The following GON4L variants were observed in gnomAD, a reference collection of about 807,000 sequenced individuals.
GON4L encodes GON-4-like protein.
A neutral mutation model predicts 211.8 loss-of-function variants in GON4L; 87 were observed. The ratio of observed to expected loss-of-function variants is 0.41; its 90% CI spans 0.35 to 0.49. GON4L has a LOEUF of 0.49. Among genes scored for constraint, GON4L ranks in the 20% least tolerant of loss-of-function variants. GON4L has a pLI of 0.15. For missense variants in GON4L, 2,155 were observed against 2,659.5 expected (o/e 0.81, Z 4.17); for synonymous variants, 875 against 962.6 (o/e 0.91, Z 1.68).
downstream of GON4L, chr1:155,746,927 T>C (rs755715377): frequency 1.0e-5 from 16 of 1,600,576 alleles, 1 homozygote; most frequent in African/African-American, 3.1e-5. Context: ...AGGGTCTCCA[T>C]AGGGGCAGGT....
intron 18 of GON4L, among the ~76,000 whole-genome samples, chr1:155,771,803 C>T (rs2101804347): frequency 1.3e-5 from 2 of 152,176 alleles, no homozygotes; most frequent in Non-Finnish European, 2.9e-5. Flanking sequence ...AAATCTAATT[C>T]TTGTACAAGT....
intron 1 of GON4L, among the ~76,000 whole-genome samples, chr1:155,855,416 G>A (rs1333802614): frequency 6.6e-6 from 1 of 151,938 alleles, no homozygotes; most frequent in Non-Finnish European, 1.5e-5. Context: ...CACTGCAGTG[G>A]CACGAACATA....
chr1:155,835,194 G>A (rs1571901284), intron 2 of GON4L, among the ~76,000 whole-genome samples: 1 of 152,096 alleles, frequency 6.6e-6, no homozygotes, highest in Non-Finnish European at 1.5e-5. Context: ...TCTGAAACAT[G>A]TGCTGTGTCC....
intron 2 of GON4L, among the ~76,000 whole-genome samples, chr1:155,833,646 CAAAAAAAAAAAAAAAA>C (rs59340708): frequency 1.2e-4 from 2 of 16,404 alleles, no homozygotes; most frequent in Non-Finnish European, 9.3e-5. Flanking sequence ...ACTCTGTCTC[CAAAAAAAAAAAAAAAA>C]AAAAAAAAAA....
At chr1:155,760,690 C>A in intron 23 of GON4L, 49 bp from the exon 24 acceptor site, 1 of 1,280,958 alleles carries the variant, frequency 7.8e-7, no homozygotes, top group Non-Finnish European at 1.1e-6. Context: ...TGGGCCACAA[C>A]AAGCAATAAG....
chr1:155,834,431 TA>T (rs768978053), intron 2 of GON4L, among the ~76,000 whole-genome samples: 2 of 152,156 alleles, frequency 1.3e-5, no homozygotes, highest in Non-Finnish European at 2.9e-5. Context: ...GAACCATGAC[TA>T]ACACTGAACA....
intron 10 of GON4L, among the ~76,000 whole-genome samples, chr1:155,812,159 C>T (rs1166069380): frequency 1.3e-5 from 2 of 152,100 alleles, no homozygotes; most frequent in Non-Finnish European, 2.9e-5. Flanking sequence ...ACCAAGCACA[C>T]ACCACCTTAA....
chr1:155,767,299 T>A lies in GON4L; in HGVS notation c.2763+126A>T. 3.1e-6 allele frequency: 5 copies of A among 1,596,660 alleles called. No homozygotes were observed. In the South Asian group the frequency reaches 5.6e-5, roughly 18 times the overall value. Reference sequence around the variant, plus strand: ...AGAAAAGTAAGGGAAGAAAGGTGAATCAGGAAGATTTCTAAAGTCCTAGTT... The same window carrying A: ...AGAAAAGTAAGGGAAGAAAGGTGAAACAGGAAGATTTCTAAAGTCCTAGTT... On this transcript the variant is annotated intron_variant, in intron 20 of 31. Transcript: ENST00000368331.
intron 8 of GON4L, among the ~76,000 whole-genome samples, chr1:155,814,784 C>T (rs914711723): frequency 6.6e-6 from 1 of 151,636 alleles, no homozygotes; most frequent in Admixed American, 6.6e-5. Context: ...CATCACTCAA[C>T]TAGTTACAGT....
intron 2 of GON4L, among the ~76,000 whole-genome samples, chr1:155,839,758 G>T (rs1354319431): frequency 1.3e-5 from 2 of 151,908 alleles, no homozygotes; most frequent in African/African-American, 2.4e-5. Flanking sequence ...TTTATAAAAA[G>T]AATTGTTTAT....
chr1:155,779,357 G>A (rs1664177032), intron 14 of GON4L, among the ~76,000 whole-genome samples: 1 of 151,158 alleles, frequency 6.6e-6, no homozygotes, highest in Non-Finnish European at 1.5e-5. Flanking sequence ...TCGCTCTGAC[G>A]CCAAGCTGGA....
chr1:155,807,426 G>A (rs1302033352), intron 10 of GON4L, among the ~76,000 whole-genome samples: 1 of 151,832 alleles, frequency 6.6e-6, no homozygotes, highest in Non-Finnish European at 1.5e-5. Flanking sequence ...AAAAAAATGA[G>A]GCTGGGTGCA....
intron 15 of GON4L, 66 bp from the exon 16 acceptor site, chr1:155,776,547 AT>A (rs1391978917): frequency 2.6e-6 from 3 of 1,133,836 alleles, no homozygotes; most frequent in African/African-American, 4.0e-5. Flanking sequence ...ATCCAGAGAG[AT>A]CTTTTTTTTT....
At chr1:155,814,913 G>C (rs1279078757) in intron 8 of GON4L, among the ~76,000 whole-genome samples, 1 of 151,422 alleles carries the variant, frequency 6.6e-6, no homozygotes, top group African/African-American at 2.4e-5. Context: ...AGAAGTCCGA[G>C]ACCAGCCTGG....
At chr1:155,748,087 G>A (rs895236654), downstream of GON4L, 9 of 1,608,674 alleles carry the variant, frequency 5.6e-6, no homozygotes, top group South Asian at 2.2e-5. Context: ...CTGGGCCTGC[G>A]ACCTGAGCCA....
At chr1:155,821,573 T>C (rs771152353) in intron 4 of GON4L, 25 bp from the exon 5 acceptor site, 6 of 1,424,230 alleles carry the variant, frequency 4.2e-6, no homozygotes, top group African/African-American at 1.4e-5. Flanking sequence ...AATTTCACTT[T>C]ATGCAACAAG....
intron 4 of GON4L, 113 bp from the exon 5 acceptor site, chr1:155,821,661 C>T (rs1294174900): frequency 4.2e-6 from 3 of 715,074 alleles, no homozygotes; most frequent in Middle Eastern, 2.4e-4. Flanking sequence ...ACCATATACT[C>T]GAATAGCATC....
intron 2 of GON4L, among the ~76,000 whole-genome samples, chr1:155,839,452 C>G (rs1259076362): frequency 6.6e-6 from 1 of 152,028 alleles, no homozygotes; most frequent in Non-Finnish European, 1.5e-5. Context: ...AGTTTGAGAC[C>G]AGCCTGGCCA....
downstream of GON4L, chr1:155,748,184 C>G: frequency 1.3e-6 from 2 of 1,487,114 alleles, no homozygotes; most frequent in South Asian, 1.3e-5. Context: ...CCTCATGCTC[C>G]CAGTCAGTCG....
Sources: gnomAD v4.1 joint callset for allele counts (sites outside exome capture counted in the v4.1 genomes callset) on GRCh38, gnomAD v4.1.1 for gene constraint, MANE v1.5 for transcripts, NCBI Gene and HGNC (gene_info 2026-07-23, HGNC 2026-07-21) for gene names.